Variants in OTOGL observed in about 807,000 individuals in gnomAD.
OTOGL encodes the protein otogelin like.
OTOGL carries 285 observed loss-of-function variants against 318.5 expected under a neutral mutation model. The observed-to-expected ratio is 0.89, with a 90% CI of 0.81 to 0.99. The LOEUF is 0.99. Among genes scored for constraint, OTOGL ranks in the 50% least tolerant of loss-of-function variants. The pLI is 0.00. For synonymous variants in OTOGL, 987 were observed against 936.5 expected (o/e 1.05, Z -0.99); for missense variants, 2,899 against 2,845.6 (o/e 1.02, Z -0.43).
At chr12:80,218,789 TTCTTTC>T (rs1877988720) in intron 5 of OTOGL, among the ~76,000 whole-genome samples, 3 of 147,122 alleles carry the variant, frequency 2.0e-5, no homozygotes, top group African/African-American at 7.7e-5. Flanking sequence ...TTTTTTCTTT[TTCTTTC>T]TTTTTTTTTT....
intron 26 of OTOGL, 22 bp downstream of exon 26, chr12:80,279,188 T>C: frequency 6.4e-7 from 1 of 1,567,102 alleles, no homozygotes; most frequent in Non-Finnish European, 8.6e-7. Context: ...TTACACATTT[T>C]TATTTGCATT....
intron 1 of OTOGL, among the ~76,000 whole-genome samples, chr12:80,147,649 G>T (rs926858344): frequency 3.3e-5 from 5 of 152,066 alleles, no homozygotes; most frequent in African/African-American, 4.8e-5. Context: ...AATGTTGACA[G>T]TGGGGTGTTA....
chr12:80,235,252 G>A (rs1879730542), intron 9 of OTOGL, among the ~76,000 whole-genome samples: 1 of 151,952 alleles, frequency 6.6e-6, no homozygotes, highest in Non-Finnish European at 1.5e-5. Flanking sequence ...ATCACCTGAG[G>A]TCAGGAGTTC....
intron 57 of OTOGL, among the ~76,000 whole-genome samples, chr12:80,372,832 G>A (rs1212629415): frequency 1.1e-4 from 16 of 152,004 alleles, no homozygotes; most frequent in South Asian, 8.3e-4. Flanking sequence ...GGGATTACAC[G>A]CATGCGCCAT....
intron 45 of OTOGL, 93 bp from the exon 46 acceptor site, chr12:80,353,232 A>T: frequency 8.9e-7 from 1 of 1,119,102 alleles, no homozygotes; most frequent in Non-Finnish European, 1.2e-6. Context: ...TGCAAAATAT[A>T]TTTTCTAAAA....
chr12:80,184,587 G>C (rs565226436), intron 1 of OTOGL, among the ~76,000 whole-genome samples: 1 of 152,102 alleles, frequency 6.6e-6, no homozygotes, highest in Non-Finnish European at 1.5e-5. Flanking sequence ...GAAGATAATG[G>C]CCCTATTTAG....
Position 80,296,952 on chromosome 12 carries a change from T to C in OTOGL, c.3054T>C (p.Pro1018=). The C allele has an allele frequency of 6.5e-7, 1 of 1,547,034 alleles. No individual in the cohort carries two copies. ...CTGAAATTTACCTGAATGATACTCC[T>C]TACAAACAGGTTAGTGAATTATTTC... The part of the protein sequence containing the change: ...GDTEIYLNDT[P]YKQKQSGFFL... The change falls in exon 27 of 59, where the codon CCT becomes CCC. Residue 1018 remains proline (P), a synonymous_variant. Coordinates refer to ENST00000547103, the MANE Select transcript of OTOGL (RefSeq NM_001378609.3).
chr12:80,277,241 A>G (rs1389242058), intron 24 of OTOGL, among the ~76,000 whole-genome samples: 1 of 146,664 alleles, frequency 6.8e-6, no homozygotes, highest in African/African-American at 2.5e-5. Flanking sequence ...TATATTTATA[A>G]TTAATTACAA....
At chr12:80,118,181 G>A (rs1870277536) in intron 1 of OTOGL, among the ~76,000 whole-genome samples, 1 of 152,188 alleles carries the variant, frequency 6.6e-6, no homozygotes, top group Admixed American at 6.5e-5. Context: ...CCAAGGCAGG[G>A]AAGAGGTGAG....
intron 42 of OTOGL, among the ~76,000 whole-genome samples, chr12:80,338,026 A>G (rs1461081103): frequency 6.6e-6 from 1 of 152,036 alleles, no homozygotes; most frequent in Non-Finnish European, 1.5e-5. Context: ...ATCACTGATC[A>G]TTCACTGGTC....
At chr12:80,300,801 G>A (rs7310473) in intron 27 of OTOGL, among the ~76,000 whole-genome samples, 13,976 of 152,124 alleles carry the variant, frequency 0.092, 1,357 homozygotes, top group African/African-American at 0.24. Context: ...AACACCAAGC[G>A]CACAGGACTT....
Position 80,323,808 on chromosome 12 carries a change from C to T in OTOGL, c.4167C>T (p.Asp1389=). Reference sequence around the variant, plus strand: ...CACCCTGTTTTAAAACATGTAGTGACCCTGAAGCACTAGCATGTAAATTTC... The same window carrying T: ...CACCCTGTTTTAAAACATGTAGTGATCCTGAAGCACTAGCATGTAAATTTC... ...CATPCFKTCS[D]PEALACKFLP... The change falls in exon 35 of 59, where the codon GAC becomes GAT. Residue 1389 remains aspartate, a synonymous_variant. Coordinates refer to ENST00000547103, the MANE Select transcript of OTOGL (RefSeq NM_001378609.3). 6.2e-7 allele frequency: 1 copy of T among 1,613,188 alleles called. No homozygotes were observed. The highest frequency in any genetic ancestry group is 8.5e-7 in the Non-Finnish European group (1 of 1,179,204).
Position 80,379,686 on chromosome 12 carries a change from T to C in OTOGL, c.*1638T>C, listed in dbSNP as rs560768462. 10 of 152,130 alleles carry C rather than the reference T, an allele frequency of 6.6e-5. No homozygotes were observed. The highest frequency in any genetic ancestry group is 2.4e-4 in the African/African-American group (10 of 41,574). The allele number at this position is 152,130 out of a possible 1,614,324, so 9.4% of individuals were successfully genotyped here. ...GTAACTAATGTTGTATATTATCTATTGCCCATTTTTATTTCCATTTTCTGT... is the reference window on the plus strand; with the variant it reads ...GTAACTAATGTTGTATATTATCTATCGCCCATTTTTATTTCCATTTTCTGT... On this transcript the variant is annotated 3_prime_UTR_variant, in exon 59 of 59. Transcript: ENST00000547103.
intron 1 of OTOGL, among the ~76,000 whole-genome samples, chr12:80,112,796 T>G (rs1051429076): frequency 6.6e-6 from 1 of 152,058 alleles, no homozygotes; most frequent in African/African-American, 2.4e-5. Context: ...GATTTCCTCT[T>G]TTTCTATTGT....
chr12:80,107,069 G>C (rs1338015795), intron 1 of OTOGL, among the ~76,000 whole-genome samples: 1 of 152,016 alleles, frequency 6.6e-6, no homozygotes, highest in Non-Finnish European at 1.5e-5. Flanking sequence ...TATTGACTGG[G>C]CTTGCTCAGG....
chr12:80,135,933 TTCTATAGCAGACTGC>T (rs1871540145), intron 1 of OTOGL, among the ~76,000 whole-genome samples: 1 of 152,214 alleles, frequency 6.6e-6, no homozygotes, highest in Admixed American at 6.5e-5. Context: ...TTCTTCCTGA[TTCTATAGCAGACTGC>T]TGGTCTTTGG....
chr12:80,313,579 A>T lies in OTOGL; in HGVS notation c.3554A>T (p.Tyr1185Phe), dbSNP rs762161276. The T allele has an allele frequency of 6.2e-7, 1 of 1,613,116 alleles. No homozygotes were observed. The highest frequency in any genetic ancestry group is 8.5e-7 in the Non-Finnish European group (1 of 1,179,244). The change falls in exon 31 of 59, where the codon TAC becomes TTC. Residue 1185 changes from tyrosine (Y) to phenylalanine (F), a missense_variant. Physicochemically the swap from Tyr to Phe is conservative, Grantham distance 22. Coordinates refer to ENST00000547103, the MANE Select transcript of OTOGL (RefSeq NM_001378609.3). ...TGCACTAGTATAGCTGCATATGCAT[A>T]CAAGTGTTGTCAGGAAGGAATATCA... is the stretch of plus-strand genomic sequence containing the variant. ...CLCTSIAAYA[Y>F]KCCQEGISIH... is the part of the protein sequence containing the mutation.
At chr12:80,187,502 G>C (rs1322300882) in intron 1 of OTOGL, among the ~76,000 whole-genome samples, 1 of 152,094 alleles carries the variant, frequency 6.6e-6, no homozygotes, top group Non-Finnish European at 1.5e-5. Context: ...CTTCCGAGTG[G>C]ATGCCATCTC....
chr12:80,302,820 TA>T, intron 28 of OTOGL, 37 bp downstream of exon 28: 1 of 1,395,530 alleles, frequency 7.2e-7, no homozygotes, highest in South Asian at 1.6e-5. Context: ...ATGTAATGAA[TA>T]AAATCACATT....
Sources: allele counts gnomAD v4.1 joint callset (sites outside exome capture counted in the v4.1 genomes callset), GRCh38; gene constraint gnomAD v4.1.1; transcripts MANE v1.5; gene names NCBI Gene and HGNC (gene_info 2026-07-23, HGNC 2026-07-21).